DST: variants seen among roughly 807,000 people sequenced by gnomAD.
DST encodes dystonin, also known as bullous pemphigoid antigen.
A neutral mutation model predicts 875.2 loss-of-function variants in DST; 253 were observed. The ratio of observed to expected loss-of-function variants is 0.29; its 90% CI spans 0.26 to 0.32. DST has a LOEUF of 0.32. Ranked by LOEUF, DST falls within the 10% of genes least tolerant of loss-of-function variation. The probability of loss-of-function intolerance (pLI) is 1.00; values close to 1 mark genes in which losing one functional copy is unlikely to be tolerated. For missense variants in DST, 8,287 were observed against 9,111.6 expected, an observed-to-expected ratio of 0.91 and a Z score of 3.68; for synonymous variants, 3,124 against 3,197.1, an observed-to-expected ratio of 0.98 and a Z score of 0.77.
chr6:56,699,738 A>G lies in DST; in HGVS notation c.962T>C (p.Leu321Ser). Reference protein sequence around the residue: ...LDYLKRRQVKLVNIRNDDITD... With the variant: ...LDYLKRRQVKSVNIRNDDITD... ...TATGTCATCATTTCTAATATTCACT[A>G]ATTTCACCTGTTTTGAATGTGAAGA... is the stretch of plus-strand genomic sequence containing the variant. Residue 321 changes from leucine (L) to serine (S), a missense_variant, in exon 9 of 104, where the codon TTA (leucine) becomes TCA (serine). Leu to Ser is a moderately radical substitution (Grantham distance 145, BLOSUM62 -2). Coordinates refer to ENST00000680361, the MANE Select transcript of DST (RefSeq NM_001374736.1). 4.8e-6 allele frequency: 7 copies of G among 1,469,260 alleles called. No individual in the cohort carries two copies. Among genetic ancestry groups the G allele is most frequent in the Non-Finnish European group, 6.4e-6 (7 of 1,097,300 alleles). 91.0% of individuals were successfully genotyped at this position (1,469,260 alleles called of 1,614,324 possible).
intron 4 of DST, among the ~76,000 whole-genome samples, chr6:56,751,351 C>CA (rs762301796): frequency 2.0e-5 from 3 of 151,988 alleles, no homozygotes; most frequent in Non-Finnish European, 4.4e-5. Context: ...GGGGATATGC[C>CA]AATATAACAT....
At chr6:56,603,741 C>T (rs1222770169) in intron 40 of DST, 28 bp from the exon 41 acceptor site, 5 of 1,586,008 alleles carry the variant, frequency 3.2e-6, no homozygotes, top group Non-Finnish European at 4.3e-6. Context: ...CATTTTAATT[C>T]AATAACCTTT....
At chr6:56,544,063 TGAAA>T (rs2097183006) in intron 61 of DST, among the ~76,000 whole-genome samples, 1 of 152,170 alleles carries the variant, frequency 6.6e-6, no homozygotes, top group East Asian at 1.9e-4. Context: ...GTTCAAGACG[TGAAA>T]TATTTCAACA....
chr6:56,823,465 C>A (rs1359550248), intron 4 of DST, among the ~76,000 whole-genome samples: 5 of 152,024 alleles, frequency 3.3e-5, no homozygotes, highest in Admixed American at 3.3e-4. Flanking sequence ...GGCTGGAGTG[C>A]AGTGCCGCAA....
chr6:56,567,280 A>G (rs1585097522), intron 55 of DST, among the ~76,000 whole-genome samples: 1 of 152,196 alleles, frequency 6.6e-6, no homozygotes, highest in East Asian at 1.9e-4. Flanking sequence ...CAAAAACATA[A>G]TAACAAGTCT....
chr6:56,832,577 A>G (rs35461301), intron 4 of DST, among the ~76,000 whole-genome samples: 23,412 of 151,588 alleles, frequency 0.15, 2,041 homozygotes, highest in Non-Finnish European at 0.18. Flanking sequence ...TATCAGCAGT[A>G]TGAAAACAGA....
At chr6:56,688,090 A>T (rs959636538) in intron 9 of DST, among the ~76,000 whole-genome samples, 1 of 152,236 alleles carries the variant, frequency 6.6e-6, no homozygotes, top group African/African-American at 2.4e-5. Context: ...TCATGATGAT[A>T]GGGACCCAAA....
At chr6:56,809,199 G>A (rs2099756870) in intron 4 of DST, among the ~76,000 whole-genome samples, 1 of 151,968 alleles carries the variant, frequency 6.6e-6, no homozygotes, top group Admixed American at 6.6e-5. Flanking sequence ...AGATACTACC[G>A]CACCCCAAAT....
At chr6:56,856,463 T>A (rs1270731489) in intron 3 of DST, among the ~76,000 whole-genome samples, 2 of 152,090 alleles carry the variant, frequency 1.3e-5, no homozygotes, top group Non-Finnish European at 2.9e-5. Flanking sequence ...TCTGTATGTG[T>A]ATTTCAAAAT....
chr6:56,617,476 T>A (rs2098639446), intron 36 of DST: 1 of 1,395,038 alleles, frequency 7.2e-7, no homozygotes, highest in Admixed American at 1.7e-5. Flanking sequence ...TGTCACTTTA[T>A]CCATTCTCAA....
Position 56,573,711 on chromosome 6 carries a change from T to G in DST, c.13204A>C (p.Thr4402Pro). 2 of 1,613,538 alleles carry G rather than the reference T, an allele frequency of 1.2e-6. No individual in the cohort carries two copies. The highest frequency in any genetic ancestry group is 8.5e-7 in the Non-Finnish European group (1 of 1,179,550). ...TTACTGATAATATCCTGAAGAGCAGTAGAGTTTAAAGGCACTTGACCTTGT... is the reference window on the plus strand; with the variant it reads ...TTACTGATAATATCCTGAAGAGCAGGAGAGTTTAAAGGCACTTGACCTTGT... ...KEQGQVPLNSTALQDIISKNI... is the reference protein window; with the variant it reads ...KEQGQVPLNSPALQDIISKNI... The change falls in exon 51 of 104, where the codon ACT (threonine) becomes CCT (proline). Residue 4402 changes from threonine (T) to proline (P), a missense_variant. This residue lies in a region of DST where 1,513 missense variants were observed against 1,677.8 expected (regional missense o/e 0.90). Coordinates refer to ENST00000680361, the MANE Select transcript of DST (RefSeq NM_001374736.1).
Position 56,592,338 on chromosome 6 carries a change from A to G in DST, c.12747T>C (p.Asn4249=). The part of the protein sequence containing the change: ...LYSKCNVLGN[N]LKDLVDKYQH... ...GATATTTATCCACCAGATCTTTAAGATTATTTCCAAGAACATTGCACTAAC... is the reference window on the plus strand; with the variant it reads ...GATATTTATCCACCAGATCTTTAAGGTTATTTCCAAGAACATTGCACTAAC... Residue 4249 remains asparagine, a synonymous_variant, in exon 49 of 104, where the codon AAT becomes AAC. Transcript: ENST00000680361. 1 of 1,597,636 alleles carries G rather than the reference A, an allele frequency of 6.3e-7. No individual in the cohort carries two copies. Among genetic ancestry groups the G allele is most frequent in the Non-Finnish European group, 8.5e-7 (1 of 1,170,838 alleles).
intron 9 of DST, among the ~76,000 whole-genome samples, chr6:56,696,532 GCT>G (rs567077971): frequency 6.6e-6 from 1 of 152,064 alleles, no homozygotes; most frequent in African/African-American, 2.4e-5. Flanking sequence ...ACCCCAAAGG[GCT>G]CTCTTAGTAT....
At chr6:56,765,575 T>C (rs1241639907) in intron 4 of DST, among the ~76,000 whole-genome samples, 1 of 152,128 alleles carries the variant, frequency 6.6e-6, no homozygotes, top group South Asian at 2.1e-4. Context: ...ATGCAAGAGA[T>C]TTCTGGTCTG....
At chr6:56,949,981 A>C (rs968689202) in intron 2 of DST, among the ~76,000 whole-genome samples, 2 of 152,228 alleles carry the variant, frequency 1.3e-5, no homozygotes, top group Non-Finnish European at 2.9e-5. Context: ...AATCACTGGA[A>C]AAAAACTAAA....
chr6:56,739,738 T>G (rs1017274991), intron 4 of DST, among the ~76,000 whole-genome samples: 1 of 152,184 alleles, frequency 6.6e-6, no homozygotes, highest in African/African-American at 2.4e-5. Context: ...GTCCTCACTA[T>G]GACATTCCCA....
chr6:56,555,236 G>T, intron 60 of DST, 109 bp downstream of exon 60: 2 of 1,227,424 alleles, frequency 1.6e-6, no homozygotes, highest in Non-Finnish European at 2.2e-6. Context: ...GATGTTAACA[G>T]TGGGGCAGAG....
chr6:56,561,993 T>G, intron 56 of DST, 145 bp downstream of exon 56: 1 of 450,756 alleles, frequency 2.2e-6, no homozygotes, highest in Non-Finnish European at 3.8e-6. Flanking sequence ...AATATAATTT[T>G]TATGGAGATT....
intron 34 of DST, among the ~76,000 whole-genome samples, chr6:56,626,924 TAAAGAAA>T (rs1259818950): frequency 1.3e-5 from 2 of 151,816 alleles, no homozygotes; most frequent in Non-Finnish European, 2.9e-5. Flanking sequence ...CTAACAATGT[TAAAGAAA>T]AAAGAAAGAA....
Sources: allele counts gnomAD v4.1 joint callset (sites outside exome capture counted in the v4.1 genomes callset), GRCh38; gene constraint gnomAD v4.1.1; regional missense constraint gnomAD v4.1.1; transcripts MANE v1.5; gene names NCBI Gene and HGNC (gene_info 2026-07-23, HGNC 2026-07-21).